Variants in CEP97 observed in about 807,000 individuals in gnomAD.
The protein encoded by CEP97 is centrosomal protein of 97 kDa.
CEP97 carries 43 observed loss-of-function variants against 73.1 expected under a neutral mutation model. The observed-to-expected ratio is 0.59, with a 90% CI of 0.46 to 0.76. The LOEUF (loss-of-function observed/expected upper bound fraction) is 0.76, where lower values mean the gene tolerates loss of function less well. Ranked by LOEUF, CEP97 falls within the 30% of genes least tolerant of loss-of-function variation. The pLI, the probability that CEP97 is intolerant of heterozygous loss-of-function variation, is 0.00. For synonymous variants in CEP97, 337 were observed against 370.0 expected (o/e 0.91, Z 1.02); for missense variants, 939 against 1,014.0 (o/e 0.93, Z 1.00).
In CEP97 at chr3:101,726,738, T is replaced by C. The variant is rs752219127; in HGVS notation, c.186+2T>C. The C allele has an allele frequency of 6.3e-7, 1 of 1,587,326 alleles. No homozygotes were observed. Among genetic ancestry groups the C allele is most frequent in the Admixed American group, 1.8e-5 (1 of 56,172 alleles). On this transcript the variant is annotated splice_donor_variant, in intron 2 of 10. Coordinates refer to ENST00000341893, the MANE Select transcript of CEP97 (RefSeq NM_024548.4). LOFTEE classifies it high-confidence loss of function. ...GAGAAATGCAAACGATTAATACAGGTAGGTATTGCAATCTGGGAAATGGTT... is the reference window on the plus strand; with the variant it reads ...GAGAAATGCAAACGATTAATACAGGCAGGTATTGCAATCTGGGAAATGGTT...
rs139210877 is a variant in CEP97 at position 101,732,589 on chromosome 3, G to A, written c.663G>A (p.Pro221=). The change falls in exon 6 of 11, where the codon CCG becomes CCA. Residue 221 remains proline, a synonymous_variant. Coordinates refer to ENST00000341893, the MANE Select transcript of CEP97 (RefSeq NM_024548.4). The stretch of plus-strand genomic sequence containing the variant: ...CCATCCCAGGATTTGACTATCGGCC[G>A]TACATCGTCAGCTGGTGCCTAAACC... ...TPSIPGFDYR[P]YIVSWCLNLR... The A allele has an allele frequency of 6.8e-6, 11 of 1,613,898 alleles. No individual in the cohort carries two copies. Among genetic ancestry groups the A allele is most frequent in the South Asian group, 3.3e-5 (3 of 91,078 alleles).
intron 6 of CEP97, among the ~76,000 whole-genome samples, chr3:101,744,376 G>A (rs1938550353): frequency 6.6e-6 from 1 of 152,076 alleles, no homozygotes; most frequent in South Asian, 2.1e-4. Flanking sequence ...CTGAGGTCAG[G>A]AGTTCAAGAC....
Position 101,726,670 on chromosome 3 carries a change from T to G in CEP97, c.120T>G (p.Thr40=). 1 of 1,606,020 alleles carries G rather than the reference T, an allele frequency of 6.2e-7. No individual in the cohort carries two copies. The highest frequency in any genetic ancestry group is 8.5e-7 in the Non-Finnish European group (1 of 1,173,234). The stretch of plus-strand genomic sequence containing the variant: ...TACCCTGTGAAGCTGATATTCACAC[T>G]TTGATTCTGGATAAAAATCAGATTA... ...PNLPCEADIH[T]LILDKNQIIK... Residue 40 remains threonine (T), a synonymous_variant, in exon 2 of 11, where the codon ACT becomes ACG. Transcript: ENST00000341893.
chr3:101,726,744 T>C lies in CEP97; in HGVS notation c.186+8T>C, dbSNP rs1361888299. 1 of 1,579,816 alleles carries C rather than the reference T, an allele frequency of 6.3e-7. No homozygotes were observed. The highest frequency in any genetic ancestry group is 8.6e-7 in the Non-Finnish European group (1 of 1,161,788). ...TGCAAACGATTAATACAGGTAGGTA[T>C]TGCAATCTGGGAAATGGTTACATAG... is the stretch of plus-strand genomic sequence containing the variant. On this transcript the variant is annotated splice_region_variant and intron_variant, in intron 2 of 10. Transcript: ENST00000341893.
intron 10 of CEP97, among the ~76,000 whole-genome samples, 172 bp from the exon 11 acceptor site, chr3:101,764,675 G>T (rs1380659636): frequency 1.3e-5 from 2 of 151,888 alleles, no homozygotes; most frequent in African/African-American, 4.8e-5. Flanking sequence ...CTGGTTAGGA[G>T]GCAGAGGTGG....
intron 10 of CEP97, chr3:101,763,230 C>A (rs1189284374): frequency 2.5e-6 from 3 of 1,193,604 alleles, no homozygotes; most frequent in African/African-American, 1.6e-5. Flanking sequence ...TAGGATTTGA[C>A]CTATAAAATG....
chr3:101,735,568 G>A (rs558887019), intron 6 of CEP97, among the ~76,000 whole-genome samples: 5 of 152,300 alleles, frequency 3.3e-5, no homozygotes, highest in South Asian at 2.1e-4. Flanking sequence ...AGGGTGTGGC[G>A]TTGCCTCACC....
chr3:101,744,816 T>A (rs181387566), intron 6 of CEP97, among the ~76,000 whole-genome samples: 3 of 152,178 alleles, frequency 2.0e-5, no homozygotes, highest in African/African-American at 7.2e-5. Context: ...CTGGTCAACA[T>A]TGAGAATTGC....
intron 6 of CEP97, 64 bp from the exon 7 acceptor site, chr3:101,755,366 T>G (rs1938974307): frequency 2.2e-6 from 3 of 1,360,636 alleles, no homozygotes; most frequent in Non-Finnish European, 3.1e-6. Context: ...AGATCATTGT[T>G]GCCTGACAAT....
At chr3:101,730,231 TTTTTGTTTTGTTTTGTTTTGTTTTG>T (rs55873092) in intron 4 of CEP97, among the ~76,000 whole-genome samples, 134 of 145,010 alleles carry the variant, frequency 9.2e-4, no homozygotes, top group African/African-American at 3.1e-3. Context: ...CGAGTCTGTT[TTTTTGTTTTGTTTTGTTTTGTTTTG>T]TTTTGTTTTG....
intron 6 of CEP97, among the ~76,000 whole-genome samples, chr3:101,747,405 G>T (rs549400158): frequency 1.3e-5 from 2 of 148,198 alleles, no homozygotes; most frequent in African/African-American, 5.0e-5. Context: ...GACTATAGGC[G>T]CCTGCCACCA....
At chr3:101,753,989 T>TG (rs1243297926) in intron 6 of CEP97, among the ~76,000 whole-genome samples, 43 of 151,856 alleles carry the variant, frequency 2.8e-4, no homozygotes, top group Admixed American at 2.8e-3. Context: ...TCACCCATCT[T>TG]CTGCATCGCT....
chr3:101,762,486 T>G lies in CEP97; in HGVS notation c.1819T>G (p.Leu607Val). 1 of 1,599,100 alleles carries G rather than the reference T, an allele frequency of 6.3e-7. No individual in the cohort carries two copies. The highest frequency in any genetic ancestry group is 8.6e-7 in the Non-Finnish European group (1 of 1,169,246). ...IVCLTDEIRR[L>V]RKERDEERIK... ...ATAATGTGTTTTGAATTATTGTAGA[T>G]TACGAAAAGAAAGAGATGAAGAACG... Residue 607 changes from leucine to valine, a missense_variant and splice_region_variant, in exon 10 of 11, where the codon TTA (leucine) becomes GTA (valine). Transcript: ENST00000341893.
At position 101,757,701 on chromosome 3, in the gene CEP97, G is replaced by T. The variant is rs1219880410; in HGVS notation, c.1095G>T (p.Lys365Asn). 6.2e-7 allele frequency: 1 copy of T among 1,614,068 alleles called. No homozygotes were observed. The highest frequency in any genetic ancestry group is 8.5e-7 in the Non-Finnish European group (1 of 1,180,042). Residue 365 changes from lysine (K) to asparagine (N), a missense_variant, in exon 9 of 11, where the codon AAG (lysine) becomes AAT (asparagine). By Grantham distance (94) the Lys-to-Asn change is moderately conservative (BLOSUM62 0). Transcript: ENST00000341893. ...NSNDDQLFAV[K>N]NNFPASVHTT... Reference sequence around the variant, plus strand: ...ATGATGATCAGTTATTTGCGGTTAAGAATAATTTTCCAGCCTCTGTACACA... The same window carrying T: ...ATGATGATCAGTTATTTGCGGTTAATAATAATTTTCCAGCCTCTGTACACA...
At chr3:101,731,192 C>CTTTTT (rs35988030) in intron 4 of CEP97, among the ~76,000 whole-genome samples, 6 of 123,260 alleles carry the variant, frequency 4.9e-5, no homozygotes, top group Admixed American at 8.5e-5. Context: ...GTTTTAATGA[C>CTTTTT]TTTTTTTTTT....
intron 5 of CEP97, 140 bp downstream of exon 5, chr3:101,732,093 T>G (rs755052623): frequency 3.2e-6 from 2 of 621,502 alleles, no homozygotes; most frequent in Non-Finnish European, 5.7e-6. Flanking sequence ...GCTCTAGATC[T>G]TTCCACTTTT....
chr3:101,751,139 C>T (rs1938800246), intron 6 of CEP97, among the ~76,000 whole-genome samples: 1 of 152,148 alleles, frequency 6.6e-6, no homozygotes, highest in African/African-American at 2.4e-5. Context: ...TTTCAAAGAA[C>T]ATCTTTATTT....
chr3:101,750,938 T>G (rs1488311535), intron 6 of CEP97, among the ~76,000 whole-genome samples: 2 of 152,238 alleles, frequency 1.3e-5, no homozygotes, highest in Non-Finnish European at 2.9e-5. Context: ...TGTTAGTTAT[T>G]TCTTGCCTTC....
intron 4 of CEP97, among the ~76,000 whole-genome samples, chr3:101,731,252 G>A (rs1938100405): frequency 6.9e-6 from 1 of 145,896 alleles, no homozygotes; most frequent in African/African-American, 2.6e-5. Flanking sequence ...CCAGGCTCGA[G>A]TGCAGTGGTG....
Sources: allele counts gnomAD v4.1 joint callset (sites outside exome capture counted in the v4.1 genomes callset), GRCh38; gene constraint gnomAD v4.1.1; transcripts MANE v1.5; gene names NCBI Gene and HGNC (gene_info 2026-07-23, HGNC 2026-07-21).